Variants in GALNT14 observed in about 807,000 individuals in gnomAD.
GALNT14 encodes UDP-GalNAc:polypeptide N-acetylgalactosaminyltransferase 14.
In GALNT14, 60 loss-of-function variants were observed where a neutral mutation model predicts 77.5. That is an observed-to-expected ratio of 0.77 (90% CI 0.63 to 0.96). The LOEUF (loss-of-function observed/expected upper bound fraction) is 0.96, where lower values mean the gene tolerates loss of function less well. GALNT14 is among the 40% of genes least tolerant of loss of function. The probability of loss-of-function intolerance (pLI) is 0.00; values close to 1 mark genes in which losing one functional copy is unlikely to be tolerated. For missense variants in GALNT14, 710 were observed against 731.0 expected, an observed-to-expected ratio of 0.97 and a Z score of 0.33; for synonymous variants, 280 against 281.7, an observed-to-expected ratio of 0.99 and a Z score of 0.06.
At chr2:30,910,117 G>A (rs1425719670), downstream of GALNT14, among the ~76,000 whole-genome samples, 1 of 150,540 alleles carries the variant, frequency 6.6e-6, no homozygotes, top group Non-Finnish European at 1.5e-5. Context: ...GCTAGATGAC[G>A]AGTTAGTGGG....
chr2:31,000,635 C>T (rs1670312771), intron 1 of GALNT14, among the ~76,000 whole-genome samples: 2 of 152,166 alleles, frequency 1.3e-5, no homozygotes, highest in Non-Finnish European at 2.9e-5. Flanking sequence ...TGGCAGAATT[C>T]CTTCTTGCTT....
intron 1 of GALNT14, among the ~76,000 whole-genome samples, chr2:31,076,054 G>A (rs115959712): frequency 6.6e-6 from 1 of 152,136 alleles, no homozygotes; most frequent in South Asian, 2.1e-4. Flanking sequence ...GTCTTAACTC[G>A]AGCAGACACA....
rs949188958 is a variant in GALNT14, at chr2:31,101,849, T to C, written c.129+36109A>G. On this transcript the variant is annotated intron_variant, in intron 1 of 14. Transcript: ENST00000349752. ...AGTGGAGATAATTGAGTCATAGTGG[T>C]GGTTTCCCCCATGCTGCTGTTCTTG... Among the ~76,000 whole-genome samples the C allele has an allele frequency of 2.4e-4, 37 of 152,180 alleles. 1 individual carries two copies. Among genetic ancestry groups the C allele is most frequent in the African/African-American group, 8.7e-4 (36 of 41,530 alleles).
At chr2:31,045,627 T>C (rs530263790) in intron 1 of GALNT14, among the ~76,000 whole-genome samples, 2 of 152,172 alleles carry the variant, frequency 1.3e-5, no homozygotes, top group African/African-American at 4.8e-5. Flanking sequence ...CACGCCTGGC[T>C]AATTTTTGCA....
intron 1 of GALNT14, among the ~76,000 whole-genome samples, chr2:30,994,430 C>T (rs928152300): frequency 6.6e-6 from 1 of 152,210 alleles, no homozygotes; most frequent in Non-Finnish European, 1.5e-5. Context: ...TTCATCTGGG[C>T]ACCATGGTGA....
chr2:31,068,321 T>C (rs1367679109), intron 1 of GALNT14, among the ~76,000 whole-genome samples: 1 of 151,960 alleles, frequency 6.6e-6, no homozygotes. Context: ...ACCCCGTCTC[T>C]ACTAAAAATA....
At chr2:31,035,559 GTGTGTGTGTA>G (rs1157037471) in intron 1 of GALNT14, among the ~76,000 whole-genome samples, 2 of 138,684 alleles carry the variant, frequency 1.4e-5, no homozygotes, top group African/African-American at 5.8e-5. Flanking sequence ...GAAAATGTGT[GTGTGTGTGTA>G]TGTGTGTGTG....
chr2:31,039,878 A>G (rs1354649880), intron 1 of GALNT14, among the ~76,000 whole-genome samples: 1 of 152,196 alleles, frequency 6.6e-6, no homozygotes, highest in East Asian at 1.9e-4. Context: ...TAAACTTCAC[A>G]TGAGAAATGT....
At chr2:30,894,457 T>TTCTGCCA in the GALNT14 span, among the ~76,000 whole-genome samples, 66 of 152,300 alleles carry the variant, frequency 4.3e-4, no homozygotes, top group East Asian at 0.012. Flanking sequence ...CTTTTTTTCA[T>TTCTGCCA]TCTGCCACAG....
At chr2:30,972,257 G>C (rs921333371) in intron 2 of GALNT14, among the ~76,000 whole-genome samples, 1 of 152,204 alleles carries the variant, frequency 6.6e-6, no homozygotes, top group African/African-American at 2.4e-5. Flanking sequence ...TTAAAGGTGG[G>C]CTCTGGCATC....
intron 1 of GALNT14, among the ~76,000 whole-genome samples, chr2:31,129,991 G>T (rs913761888): frequency 6.6e-6 from 1 of 152,190 alleles, no homozygotes; most frequent in Non-Finnish European, 1.5e-5. Flanking sequence ...AGCCGGGGTG[G>T]TTGTTCTCTT....
intron 1 of GALNT14, among the ~76,000 whole-genome samples, chr2:31,070,504 C>T (rs1675296110): frequency 6.6e-6 from 1 of 152,202 alleles, no homozygotes; most frequent in South Asian, 2.1e-4. Context: ...TGCACTTAGG[C>T]TCCCCAAACC....
chr2:31,040,788 A>T (rs1311647787), intron 1 of GALNT14, among the ~76,000 whole-genome samples: 2 of 152,204 alleles, frequency 1.3e-5, no homozygotes, highest in African/African-American at 4.8e-5. Context: ...GCACTGACTA[A>T]TTTGATTTAG....
chr2:30,899,584 C>G, the GALNT14 span, among the ~76,000 whole-genome samples: 1 of 143,344 alleles, frequency 7.0e-6, no homozygotes, highest in African/African-American at 2.5e-5. Context: ...TTTTTTTTTT[C>G]CTCCTTCTTT....
At chr2:31,083,890 C>A (rs1202426558) in intron 1 of GALNT14, among the ~76,000 whole-genome samples, 2 of 152,148 alleles carry the variant, frequency 1.3e-5, no homozygotes, top group African/African-American at 4.8e-5. Flanking sequence ...CTCAAAACAG[C>A]CAAAGCAAGG....
At chr2:30,917,120 G>T (rs929050746) in intron 13 of GALNT14, among the ~76,000 whole-genome samples, 1 of 148,046 alleles carries the variant, frequency 6.8e-6, no homozygotes, top group Non-Finnish European at 1.5e-5. Flanking sequence ...CAGGAGTGAG[G>T]ACGAGCCTGG....
At chr2:30,960,857 C>T (rs139536438) in intron 3 of GALNT14, among the ~76,000 whole-genome samples, 314 of 152,340 alleles carry the variant, frequency 2.1e-3, no homozygotes, top group African/African-American at 7.4e-3. Context: ...CTCTTCTCAG[C>T]CTCACCCCCA....
chr2:31,116,919 C>T (rs1196540608), intron 1 of GALNT14, among the ~76,000 whole-genome samples: 1 of 152,036 alleles, frequency 6.6e-6, no homozygotes. Context: ...TGCCTGTAAT[C>T]CCAGCTACCT....
intron 1 of GALNT14, among the ~76,000 whole-genome samples, chr2:30,998,230 G>T (rs1392417175): frequency 6.6e-6 from 1 of 152,168 alleles, no homozygotes; most frequent in Non-Finnish European, 1.5e-5. Flanking sequence ...CCGTTAAGTT[G>T]CTTAATTTCT....
Sources: gnomAD v4.1 joint callset for allele counts (sites outside exome capture counted in the v4.1 genomes callset) on GRCh38, gnomAD v4.1.1 for gene constraint, MANE v1.5 for transcripts, NCBI Gene and HGNC (gene_info 2026-07-23, HGNC 2026-07-21) for gene names.